The following MAST4 variants were observed in gnomAD, a reference collection of about 807,000 sequenced individuals.
MAST4 encodes the protein microtubule-associated serine/threonine-protein kinase 4.
In MAST4, 89 loss-of-function variants were observed where a neutral mutation model predicts 162.7. That is an observed-to-expected ratio of 0.55 (90% confidence interval 0.46 to 0.65). The LOEUF is 0.65. Among genes scored for constraint, MAST4 ranks in the 30% least tolerant of loss-of-function variants. MAST4 has a pLI of 0.00. For synonymous variants in MAST4, 1,479 were observed against 1,361.1 expected (o/e 1.09, Z -1.91); for missense variants, 3,153 against 3,374.0 (o/e 0.93, Z 1.62).
chr5:66,969,598 C>T (rs991681893), intron 4 of MAST4, among the ~76,000 whole-genome samples: 4 of 152,116 alleles, frequency 2.6e-5, no homozygotes, highest in African/African-American at 9.7e-5. Context: ...AAGAGCTGGC[C>T]TATTTGTCCT....
intron 1 of MAST4, among the ~76,000 whole-genome samples, chr5:66,638,308 GGACAATATTAAAACT>G (rs1189941318): frequency 6.6e-6 from 1 of 152,102 alleles, no homozygotes; most frequent in Non-Finnish European, 1.5e-5. Flanking sequence ...GAGAATTTAA[GGACAATATTAAAACT>G]GACAAACAGC....
At chr5:66,781,173 T>C (rs1422250131) in intron 2 of MAST4, among the ~76,000 whole-genome samples, 2 of 152,226 alleles carry the variant, frequency 1.3e-5, no homozygotes, top group Non-Finnish European at 2.9e-5. Flanking sequence ...AAATATCTAT[T>C]TGAGCCCCTA....
chr5:66,805,038 CA>C (rs1440769335), intron 3 of MAST4, among the ~76,000 whole-genome samples: 2 of 152,106 alleles, frequency 1.3e-5, no homozygotes, highest in Admixed American at 6.5e-5. Context: ...TTCTGAATTT[CA>C]TGTCATGCTT....
At chr5:67,128,254 G>T (rs1581659469) in intron 14 of MAST4, among the ~76,000 whole-genome samples, 1 of 152,096 alleles carries the variant, frequency 6.6e-6, no homozygotes, top group Non-Finnish European at 1.5e-5. Flanking sequence ...AGCAAAACAG[G>T]TGTGGGAATC....
At chr5:66,953,813 T>C (rs972684194) in intron 4 of MAST4, among the ~76,000 whole-genome samples, 6 of 152,180 alleles carry the variant, frequency 3.9e-5, no homozygotes, top group African/African-American at 1.4e-4. Flanking sequence ...AATTCTTTGT[T>C]GTGGGGCAAT....
chr5:66,917,950 A>G (rs1435822659), intron 4 of MAST4, among the ~76,000 whole-genome samples: 1 of 152,166 alleles, frequency 6.6e-6, no homozygotes, highest in Non-Finnish European at 1.5e-5. Context: ...AATGAAAGGT[A>G]ATATAACACT....
chr5:67,007,234 C>T (rs1356142215), intron 4 of MAST4, among the ~76,000 whole-genome samples: 1 of 152,098 alleles, frequency 6.6e-6, no homozygotes, highest in Non-Finnish European at 1.5e-5. Context: ...TTGAGATGCC[C>T]CTTAACTGTT....
rs34486167 is a variant in MAST4 at position 67,167,264 on chromosome 5, CAAAAAAAAAAAAAA to C, written c.*229_*242del. ...AAACTGTTACCAGATAGTGTTTGTACAAAAAAAAAAAAAAAAAAAAAAAAAAAAATTACCTTTAC... is the reference window on the plus strand; with the variant it reads ...AAACTGTTACCAGATAGTGTTTGTACAAAAAAAAAAAAAAATTACCTTTAC... On this transcript the variant is annotated 3_prime_UTR_variant, in exon 29 of 29. Coordinates refer to ENST00000403625, the MANE Select transcript of MAST4 (RefSeq NM_001164664.2). The C allele has an allele frequency of 5.7e-3, 452 of 79,474 alleles. 9 individuals carry two copies. Among genetic ancestry groups the C allele is most frequent in the African/African-American group, 0.018 (404 of 22,408 alleles). 4.9% of individuals were successfully genotyped at this position (79,474 alleles called of 1,614,324 possible).
rs748051475 is a variant in MAST4 at position 67,165,381 on chromosome 5, T to A, written c.6202T>A (p.Cys2068Ser). The A allele has an allele frequency of 5.6e-6, 9 of 1,613,558 alleles. No individual in the cohort carries two copies. Among genetic ancestry groups the A allele is most frequent in the South Asian group, 1.1e-5 (1 of 91,080 alleles). ...NSSLHSAGIP[C>S]EKELGKVRRG... The stretch of plus-strand genomic sequence containing the variant: ...CTCTCTGCACTCAGCTGGAATTCCC[T>A]GTGAGAAGGAGCTGGGCAAGGTGAG... The change falls in exon 29 of 29, where the codon TGT (cysteine) becomes AGT (serine). Residue 2068 changes from cysteine to serine, a missense_variant. By Grantham distance (112) the Cys-to-Ser change is moderately radical. Coordinates refer to ENST00000403625, the MANE Select transcript of MAST4 (RefSeq NM_001164664.2).
At chr5:66,845,764 C>T (rs573545048) in intron 3 of MAST4, among the ~76,000 whole-genome samples, 4 of 152,266 alleles carry the variant, frequency 2.6e-5, no homozygotes, top group South Asian at 2.1e-4. Context: ...TCCACATCCT[C>T]TCCAGCACCT....
intron 4 of MAST4, among the ~76,000 whole-genome samples, chr5:66,911,071 T>A (rs1218124264): frequency 6.6e-6 from 1 of 152,162 alleles, no homozygotes; most frequent in African/African-American, 2.4e-5. Flanking sequence ...TAAGTTGTTT[T>A]ATGATGTCAC....
chr5:66,611,864 A>C (rs1329322877), intron 1 of MAST4, among the ~76,000 whole-genome samples: 1 of 152,226 alleles, frequency 6.6e-6, no homozygotes, highest in Non-Finnish European at 1.5e-5. Context: ...TTTTCATTTG[A>C]ATGAAAAGTG....
intron 4 of MAST4, among the ~76,000 whole-genome samples, chr5:66,971,262 T>C (rs536236354): frequency 6.6e-6 from 1 of 152,322 alleles, no homozygotes; most frequent in East Asian, 1.9e-4. Context: ...TTTAAAATTT[T>C]GTTTTAGACA....
At chr5:66,695,029 C>A (rs999102009) in intron 1 of MAST4, among the ~76,000 whole-genome samples, 6 of 152,084 alleles carry the variant, frequency 3.9e-5, no homozygotes, top group Admixed American at 3.9e-4. Flanking sequence ...TTAATTAGGT[C>A]CCTTTTTTCC....
intron 1 of MAST4, among the ~76,000 whole-genome samples, chr5:66,647,365 T>C (rs1745909730): frequency 6.6e-6 from 1 of 152,174 alleles, no homozygotes; most frequent in African/African-American, 2.4e-5. Context: ...CCCCATGTCC[T>C]TGAGTACGAC....
At chr5:66,605,361 C>G (rs1742817386) in intron 1 of MAST4, among the ~76,000 whole-genome samples, 1 of 152,138 alleles carries the variant, frequency 6.6e-6, no homozygotes, top group South Asian at 2.1e-4. Flanking sequence ...ACCTGCAAAA[C>G]CCAAGAAAAT....
chr5:67,008,066 G>A (rs1752248863), intron 4 of MAST4, among the ~76,000 whole-genome samples: 1 of 152,180 alleles, frequency 6.6e-6, no homozygotes, highest in South Asian at 2.1e-4. Context: ...CTCTGTTGCT[G>A]TATAGCTTAC....
chr5:67,113,176 T>A (rs1687756827), intron 11 of MAST4, among the ~76,000 whole-genome samples: 2 of 150,790 alleles, frequency 1.3e-5, no homozygotes, highest in African/African-American at 4.9e-5. Context: ...TAGCCGGGCG[T>A]GGTGGTGGGC....
intron 3 of MAST4, among the ~76,000 whole-genome samples, chr5:66,827,689 A>G (rs1757337665): frequency 6.6e-6 from 1 of 152,226 alleles, no homozygotes; most frequent in African/African-American, 2.4e-5. Flanking sequence ...ATTTAAAAAA[A>G]TGTTTATACC....
Sources: gnomAD v4.1 joint callset for allele counts (sites outside exome capture counted in the v4.1 genomes callset) on GRCh38, gnomAD v4.1.1 for gene constraint, MANE v1.5 for transcripts, NCBI Gene and HGNC (gene_info 2026-07-23, HGNC 2026-07-21) for gene names.